The following TTC16 variants were observed in gnomAD, a reference collection of about 807,000 sequenced individuals.
TTC16 encodes the protein tetratricopeptide repeat domain 16.
In TTC16, 66 loss-of-function variants were observed where a neutral mutation model predicts 80.4. The observed-to-expected ratio is 0.82, with a 90% confidence interval of 0.67 to 1.01. The LOEUF (loss-of-function observed/expected upper bound fraction) is 1.01. TTC16 is among the 50% of genes least tolerant of loss of function. The probability of loss-of-function intolerance (pLI) is 0.00; values close to 1 mark genes in which losing one functional copy is unlikely to be tolerated. For missense variants in TTC16, 1,070 were observed against 1,103.2 expected (o/e 0.97, Z 0.43); for synonymous variants, 438 against 451.3 (o/e 0.97, Z 0.37).
chr9:127,717,785 T>C lies in TTC16; in HGVS notation c.426+13T>C. 6.2e-7 allele frequency: 1 copy of C among 1,608,656 alleles called. No homozygotes were observed. Among genetic ancestry groups the C allele is most frequent in the Non-Finnish European group, 8.5e-7 (1 of 1,178,024 alleles). On this transcript the variant is annotated intron_variant, in intron 4 of 13. Coordinates refer to ENST00000373289, the MANE Select transcript of TTC16 (RefSeq NM_144965.3). ...GCTCTACCTACAGGTGCCTGGGGCCTCCCGGGCCCATGCAGGGCACCCACC... is the reference window on the plus strand; with the variant it reads ...GCTCTACCTACAGGTGCCTGGGGCCCCCCGGGCCCATGCAGGGCACCCACC...
Position 127,730,697 on chromosome 9 carries a change from C to T in TTC16, c.1914C>T (p.Thr638=). 1 of 1,613,312 alleles carries T rather than the reference C, an allele frequency of 6.2e-7. No individual in the cohort carries two copies. The highest frequency in any genetic ancestry group is 8.5e-7 in the Non-Finnish European group (1 of 1,180,040). Residue 638 remains threonine, a synonymous_variant, in exon 14 of 14, where the codon ACC becomes ACT. Transcript: ENST00000373289. ...CTATCTGCCAGGAATACAGGAGCAC[C>T]TCAGCCACCGCCGTGACATTCTCTG... ...MSAICQEYRS[T]SATAVTFSDS...
In TTC16 at chr9:127,717,618, CT is replaced by C. The variant is rs766793328; in HGVS notation, c.283-10del. The C allele has an allele frequency of 6.2e-7, 1 of 1,612,718 alleles. No homozygotes were observed. The highest frequency in any genetic ancestry group is 1.7e-5 in the Admixed American group (1 of 59,854). On this transcript the variant is annotated splice_polypyrimidine_tract_variant and intron_variant, in intron 3 of 13. Transcript: ENST00000373289. ...GGGAGGATCTAGCAGCCTGGGTCCC[CT>C]CACCCTCAGGTGGACTTCTATGCCT...
chr9:127,729,495 G>A (rs1347845519), intron 12 of TTC16, 86 bp from the exon 13 acceptor site: 13 of 1,129,124 alleles, frequency 1.2e-5, no homozygotes, highest in South Asian at 3.8e-5. Flanking sequence ...AATGACCACC[G>A]AGGGGCCCAG....
In TTC16 at chr9:127,718,363, C is replaced by A. The variant is rs1381272493; in HGVS notation, c.426+591C>A. ...TCGGCCTCCCAACGTGCTAGGATTA[C>A]AGATGTGAGCCACTGCGCCCGGCCT... On this transcript the variant is annotated intron_variant, in intron 4 of 13. Coordinates refer to ENST00000373289, the MANE Select transcript of TTC16 (RefSeq NM_144965.3). The surrounding 1 kb of genome is among the most constrained non-coding windows in gnomAD (Gnocchi z 4.6). 6.6e-6 allele frequency among the ~76,000 whole-genome samples: 1 copy of A among 152,192 alleles called. No homozygotes were observed. Among genetic ancestry groups the A allele is most frequent in the Non-Finnish European group, 1.5e-5 (1 of 68,038 alleles).
In TTC16 at chr9:127,716,124, G is replaced by T. The variant is rs1458485788; in HGVS notation, c.-22G>T. The T allele has an allele frequency of 6.2e-7, 1 of 1,613,830 alleles. No homozygotes were observed. Among genetic ancestry groups the T allele is most frequent in the African/African-American group, 1.3e-5 (1 of 74,934 alleles). On this transcript the variant is annotated 5_prime_UTR_variant, in exon 1 of 14. Transcript: ENST00000373289. ...CGCGAGGTAGTTGGCAGAGGCCTCG[G>T]GGTCCTCCTGGAAGGGGCCTCATGA...
Position 127,717,404 on chromosome 9 carries a change from C to A in TTC16, c.262C>A (p.Leu88Ile). Residue 88 changes from leucine to isoleucine, a missense_variant, in exon 3 of 14, where the codon CTC becomes ATC. Coordinates refer to ENST00000373289, the MANE Select transcript of TTC16 (RefSeq NM_144965.3). ...AGCTGTGCTGCTCTTCTCCCGCGCACTCCACCTGGACCCACAGCTGGTGAG... is the reference window on the plus strand; with the variant it reads ...AGCTGTGCTGCTCTTCTCCCGCGCAATCCACCTGGACCCACAGCTGGTGAG... ...ETAVLLFSRA[L>I]HLDPQLVDFY... The A allele has an allele frequency of 6.2e-7, 1 of 1,613,506 alleles. No homozygotes were observed. Among genetic ancestry groups the A allele is most frequent in the South Asian group, 1.1e-5 (1 of 91,072 alleles).
At chr9:127,727,496 C>T in intron 12 of TTC16, 31 bp downstream of exon 12, 3 of 1,549,456 alleles carry the variant, frequency 1.9e-6, no homozygotes, top group South Asian at 1.2e-5. Context: ...GGCTCGGAGC[C>T]CTTGGGGTCT....
At chr9:127,716,743 C>T in intron 1 of TTC16, 101 bp from the exon 2 acceptor site, 6 of 1,446,464 alleles carry the variant, frequency 4.1e-6, no homozygotes, top group Non-Finnish European at 4.6e-6. Context: ...TTCCAGGCCT[C>T]ATTTCCGCCT....
At position 127,724,853 on chromosome 9, in the gene TTC16, G is replaced by A. The variant is rs916951898; in HGVS notation, c.1215G>A (p.Met405Ile). 1 of 1,587,184 alleles carries A rather than the reference G, an allele frequency of 6.3e-7. No individual in the cohort carries two copies. Among genetic ancestry groups the A allele is most frequent in the Non-Finnish European group, 8.6e-7 (1 of 1,168,864 alleles). Reference sequence around the variant, plus strand: ...AGGACGAGGGCGCCAACACGCGCATGGGCCTGCTGCAGGAGAAGATGGGCT... The same window carrying A: ...AGGACGAGGGCGCCAACACGCGCATAGGCCTGCTGCAGGAGAAGATGGGCT... Reference protein sequence around the residue: ...SPQDEGANTRMGLLQEKMGFC... With the variant: ...SPQDEGANTRIGLLQEKMGFC... Residue 405 changes from methionine to isoleucine, a missense_variant, in exon 9 of 14, where the codon ATG becomes ATA. By Grantham distance (10) the Met-to-Ile change is conservative (BLOSUM62 1). Coordinates refer to ENST00000373289, the MANE Select transcript of TTC16 (RefSeq NM_144965.3).
intron 3 of TTC16, 43 bp from the exon 4 acceptor site, chr9:127,717,586 G>A: frequency 6.2e-7 from 1 of 1,606,384 alleles, no homozygotes; most frequent in Non-Finnish European, 8.5e-7. Flanking sequence ...TCCAGGGGCA[G>A]ATGGTGGGGA....
intron 13 of TTC16, chr9:127,730,263 G>T: frequency 3.2e-6 from 1 of 311,944 alleles, no homozygotes; most frequent in Non-Finnish European, 6.0e-6. Flanking sequence ...TGCGGGGGAA[G>T]CCGGGGTGTG....
Position 127,720,496 on chromosome 9 carries a change from G to A in TTC16, c.657+101G>A. On this transcript the variant is annotated intron_variant, in intron 6 of 13. Coordinates refer to ENST00000373289, the MANE Select transcript of TTC16 (RefSeq NM_144965.3). Reference sequence around the variant, plus strand: ...GGCAAGGCTGTCAGCCAGCCCAGAAGCCCCATCCCACAGTGCAGTGGGTGC... The same window carrying A: ...GGCAAGGCTGTCAGCCAGCCCAGAAACCCCATCCCACAGTGCAGTGGGTGC... The A allele has an allele frequency of 2.7e-6, 4 of 1,498,982 alleles. No individual in the cohort carries two copies. The Admixed American group carries it at 5.1e-5, about 19-fold the overall frequency. The allele number at this position is 1,498,982 out of a possible 1,614,324, so 92.9% of individuals were successfully genotyped here.
chr9:127,720,314 C>A lies in TTC16; in HGVS notation c.576C>A (p.Leu192=). The change falls in exon 6 of 14, where the codon CTC becomes CTA. Residue 192 remains leucine (L), a synonymous_variant. Coordinates refer to ENST00000373289, the MANE Select transcript of TTC16 (RefSeq NM_144965.3). ...AGCAGCATCAGGCCTGCCTCACGCT[C>A]ATCACCAACGAGCTGAAGCAGGACA... ...ALKQHQACLT[L]ITNELKQDTT... is the part of the protein sequence containing the mutation. 6.2e-7 allele frequency: 1 copy of A among 1,613,462 alleles called. No homozygotes were observed.
In TTC16 at chr9:127,724,809, G is replaced by T; in HGVS notation, c.1171G>T (p.Ala391Ser). 6.2e-7 allele frequency: 1 copy of T among 1,609,426 alleles called. No homozygotes were observed. The highest frequency in any genetic ancestry group is 8.5e-7 in the Non-Finnish European group (1 of 1,178,766). ...CTTTGCCGAGGCGGACTACCAGCAG[G>T]CGCTGGCGCTGAGCCCTCAGGACGA... ...LAFAEADYQQ[A>S]LALSPQDEGA... Residue 391 changes from alanine to serine, a missense_variant, in exon 9 of 14, where the codon GCG becomes TCG. Transcript: ENST00000373289.
chr9:127,723,963 CCCCACGGGA>C lies in TTC16; in HGVS notation c.873-155_873-147del, dbSNP rs529768160. Among the ~76,000 whole-genome samples, 65 of 150,776 alleles carry C rather than the reference CCCCACGGGA, an allele frequency of 4.3e-4. No individual in the cohort carries two copies. The South Asian group carries it at 0.014, about 32-fold the overall frequency. On this transcript the variant is annotated intron_variant, in intron 7 of 13. Coordinates refer to ENST00000373289, the MANE Select transcript of TTC16 (RefSeq NM_144965.3). ...TATCTGAGTAGCAGTCCAGAGCTGGCCCCACGGGACAAACCTAGCAAATGAGGTGGGATC... is the reference window on the plus strand; with the variant it reads ...TATCTGAGTAGCAGTCCAGAGCTGGCCAAACCTAGCAAATGAGGTGGGATC...
At position 127,717,928 on chromosome 9, in the gene TTC16, G is replaced by A. The variant is rs527817569; in HGVS notation, c.426+156G>A. Among the ~76,000 whole-genome samples, 21 of 152,246 alleles carry A rather than the reference G, an allele frequency of 1.4e-4. No homozygotes were observed. The South Asian group carries it at 4.4e-3, about 32-fold the overall frequency. The stretch of plus-strand genomic sequence containing the variant: ...CTCTCACCTCCAAGGCTGGTTTACT[G>A]CCAGGGTTGAGTCAAGTTTGGCAGC... On this transcript the variant is annotated intron_variant, in intron 4 of 13. Transcript: ENST00000373289.
rs1564398804 is a variant in TTC16 at position 127,731,463 on chromosome 9, C to T, written c.*58C>T. ...GAGGGGACGAGTTCTACCCACCTCC[C>T]CACACTGGCACTCAGCCAGCTGCCT... On this transcript the variant is annotated 3_prime_UTR_variant, in exon 14 of 14. Transcript: ENST00000373289. The T allele has an allele frequency of 5.2e-6, 8 of 1,543,954 alleles. No homozygotes were observed. In the East Asian group the frequency reaches 1.6e-4, roughly 31 times the overall value.
In TTC16 at chr9:127,730,625, C is replaced by G; in HGVS notation, c.1853-11C>G. The stretch of plus-strand genomic sequence containing the variant: ...CAGGCCTGATGGGTGCTTTTGGCAC[C>G]CCCTTCCTAGTCAGGACCACAGGCA... On this transcript the variant is annotated splice_polypyrimidine_tract_variant and intron_variant, in intron 13 of 13. Transcript: ENST00000373289. 1.2e-6 allele frequency: 2 copies of G among 1,609,588 alleles called. No individual in the cohort carries two copies. The highest frequency in any genetic ancestry group is 8.5e-7 in the Non-Finnish European group (1 of 1,178,734).
chr9:127,724,855 G>A lies in TTC16; in HGVS notation c.1217G>A (p.Gly406Asp). The A allele has an allele frequency of 3.8e-6, 6 of 1,584,474 alleles. No homozygotes were observed. The highest frequency in any genetic ancestry group is 1.1e-5 in the South Asian group (1 of 87,776). ...PQDEGANTRM[G>D]LLQEKMGFCE... ...GACGAGGGCGCCAACACGCGCATGGGCCTGCTGCAGGAGAAGATGGGCTTC... is the reference window on the plus strand; with the variant it reads ...GACGAGGGCGCCAACACGCGCATGGACCTGCTGCAGGAGAAGATGGGCTTC... Residue 406 changes from glycine (G) to aspartate (D), a missense_variant, in exon 9 of 14, where the codon GGC (glycine) becomes GAC (aspartate). Physicochemically the swap from Gly to Asp is moderately conservative, Grantham distance 94. Coordinates refer to ENST00000373289, the MANE Select transcript of TTC16 (RefSeq NM_144965.3).
Sources: gnomAD v4.1 joint callset for allele counts (sites outside exome capture counted in the v4.1 genomes callset) on GRCh38, gnomAD v4.1.1 for gene constraint, Gnocchi (gnomAD v3.1) non-coding constraint, MANE v1.5 for transcripts, NCBI Gene and HGNC (gene_info 2026-07-23, HGNC 2026-07-21) for gene names.